Variants in ACTR2 observed in about 807,000 individuals in gnomAD.
ACTR2 encodes actin related protein 2, also known as actin-related protein 2.
Under a neutral mutation model 50.2 loss-of-function variants are expected in ACTR2, and 5 were observed. That is an observed-to-expected ratio of 0.10 (90% confidence interval 0.05 to 0.21). ACTR2 has a LOEUF of 0.21. Among genes scored for constraint, ACTR2 ranks in the 10% least tolerant of loss-of-function variants. ACTR2 has a pLI of 1.00. For synonymous variants in ACTR2, 140 were observed against 162.9 expected (o/e 0.86, Z 1.07); for missense variants, 180 against 480.6 (o/e 0.37, Z 5.85).
At position 65,267,862 on chromosome 2, in the gene ACTR2, C is replaced by CTTTTTTTTTTTTTTTTT. The variant is rs70943640; in HGVS notation, c.1015-690_1015-674dup. ...ACCTTGAAGAAGTCATGCAAGTCCTCTTTTTTTTTTTTTTTTTTTTTTTTT... is the reference window on the plus strand; with the variant it reads ...ACCTTGAAGAAGTCATGCAAGTCCTCTTTTTTTTTTTTTTTTTTTTTTTTTTTTTTTTTTTTTTTTTT... On this transcript the variant is annotated intron_variant, in intron 8 of 8. Transcript: ENST00000260641. Among the ~76,000 whole-genome samples the CTTTTTTTTTTTTTTTTT allele has an allele frequency of 1.5e-3, 70 of 47,412 alleles. 15 individuals are homozygous for CTTTTTTTTTTTTTTTTT. The highest frequency in any genetic ancestry group is 1.9e-3 in the Non-Finnish European group (50 of 26,196). 31.1% of individuals were successfully genotyped at this position (47,412 alleles called of 152,430 possible).
At chr2:65,254,366 A>G (rs1302913232) in intron 5 of ACTR2, among the ~76,000 whole-genome samples, 1 of 152,200 alleles carries the variant, frequency 6.6e-6, no homozygotes, top group African/African-American at 2.4e-5. Context: ...TTTAATATTT[A>G]GTAGTTTTCA....
intron 1 of ACTR2, among the ~76,000 whole-genome samples, chr2:65,235,100 T>C (rs1427044906): frequency 6.6e-6 from 1 of 152,136 alleles, no homozygotes; most frequent in Non-Finnish European, 1.5e-5. Context: ...ATCATTTAAG[T>C]TTGTATCAAG....
At position 65,269,766 on chromosome 2, in the gene ACTR2, G is replaced by C. The variant is rs773520905; in HGVS notation, c.*1032G>C. ...TACTTACAAATAATTACTGGCAGTA[G>C]GTTATAATTGGTGGTTTAAAAATAA... On this transcript the variant is annotated 3_prime_UTR_variant, in exon 9 of 9. Coordinates refer to ENST00000260641, the MANE Select transcript of ACTR2 (RefSeq NM_005722.4). The C allele has an allele frequency of 2.6e-5, 4 of 152,140 alleles. No homozygotes were observed. Among genetic ancestry groups the C allele is most frequent in the African/African-American group, 4.8e-5 (2 of 41,414 alleles). 9.4% of individuals were successfully genotyped at this position (152,140 alleles called of 1,614,324 possible).
chr2:65,264,977 CAG>C, intron 7 of ACTR2, 64 bp from the exon 8 acceptor site: 1 of 1,578,102 alleles, frequency 6.3e-7, no homozygotes, highest in Non-Finnish European at 8.7e-7. Context: ...ACATAAGTAA[CAG>C]TAACCCTGAG....
At chr2:65,261,971 A>C (rs1333762155) in intron 7 of ACTR2, among the ~76,000 whole-genome samples, 2 of 152,048 alleles carry the variant, frequency 1.3e-5, no homozygotes, top group South Asian at 4.1e-4. Context: ...TTTAATTTGC[A>C]TTTATTTCCC....
chr2:65,241,228 A>G (rs546026273), intron 2 of ACTR2, among the ~76,000 whole-genome samples: 124 of 152,316 alleles, frequency 8.1e-4, no homozygotes, highest in African/African-American at 2.8e-3. Context: ...TAAACTGTTT[A>G]ATGAAGTTGA....
intron 1 of ACTR2, 142 bp downstream of exon 1, chr2:65,228,099 G>C (rs1384288479): frequency 3.0e-5 from 21 of 698,798 alleles, no homozygotes; most frequent in Non-Finnish European, 4.4e-5. Flanking sequence ...ACCTCCGCGG[G>C]CGTGGGAGCG....
chr2:65,247,164 C>T (rs1053623828), intron 3 of ACTR2, among the ~76,000 whole-genome samples: 4 of 152,104 alleles, frequency 2.6e-5, no homozygotes, highest in Admixed American at 6.6e-5. Flanking sequence ...TCCCTACTCA[C>T]GTGCAAACTT....
In ACTR2 at chr2:65,229,697, A is replaced by C. The variant is rs1405498185; in HGVS notation, c.48+1740A>C. 2.1e-5 allele frequency among the ~76,000 whole-genome samples: 3 copies of C among 145,586 alleles called. No homozygotes were observed. The East Asian group carries it at 6.2e-4, about 30-fold the overall frequency. On this transcript the variant is annotated intron_variant, in intron 1 of 8. Transcript: ENST00000260641. ...CTTGAACCCGGTAGGCGGAGGTTGC[A>C]GTGAGCCGAGATCGCACCACTCCAG...
chr2:65,252,783 A>G (rs1672078352), intron 4 of ACTR2, among the ~76,000 whole-genome samples: 2 of 152,332 alleles, frequency 1.3e-5, no homozygotes, highest in African/African-American at 2.4e-5. Context: ...AGCCTAGGCA[A>G]CATAGTGAGA....
chr2:65,236,225 G>A (rs1203647013), intron 1 of ACTR2, among the ~76,000 whole-genome samples: 1 of 151,828 alleles, frequency 6.6e-6, no homozygotes, highest in Non-Finnish European at 1.5e-5. Context: ...TGTAGTCCCA[G>A]CTACTTGGGA....
At chr2:65,228,826 C>A (rs1178708877) in intron 1 of ACTR2, among the ~76,000 whole-genome samples, 1 of 152,154 alleles carries the variant, frequency 6.6e-6, no homozygotes, top group Non-Finnish European at 1.5e-5. Flanking sequence ...TTTCTGTAAT[C>A]CCAGCACTTT....
At chr2:65,258,518 A>G (rs1386335863) in intron 6 of ACTR2, among the ~76,000 whole-genome samples, 1 of 151,892 alleles carries the variant, frequency 6.6e-6, no homozygotes, top group Non-Finnish European at 1.5e-5. Flanking sequence ...TTCAAGGCTC[A>G]AGTTTTGAGG....
intron 1 of ACTR2, among the ~76,000 whole-genome samples, chr2:65,237,358 G>A (rs1289888722): frequency 2.6e-5 from 4 of 152,002 alleles, no homozygotes; most frequent in African/African-American, 2.4e-5. Context: ...CTCAGTCTCT[G>A]GAATAGCTGG....
chr2:65,261,981 CT>C (rs1343325355), intron 7 of ACTR2, among the ~76,000 whole-genome samples: 1 of 152,032 alleles, frequency 6.6e-6, no homozygotes, highest in Non-Finnish European at 1.5e-5. Flanking sequence ...ATTTATTTCC[CT>C]GATGATTAGG....
chr2:65,240,654 A>T (rs1671823306), intron 2 of ACTR2, among the ~76,000 whole-genome samples: 1 of 152,228 alleles, frequency 6.6e-6, no homozygotes, highest in African/African-American at 2.4e-5. Context: ...ATATTTGACA[A>T]GAAAGAGAAC....
intron 7 of ACTR2, among the ~76,000 whole-genome samples, chr2:65,263,078 G>C (rs1254216118): frequency 1.3e-5 from 2 of 151,354 alleles, no homozygotes; most frequent in Admixed American, 1.3e-4. Flanking sequence ...GTCTCGCTCT[G>C]TCGCCAGGCT....
intron 3 of ACTR2, among the ~76,000 whole-genome samples, chr2:65,249,438 C>G (rs1672004020): frequency 6.6e-6 from 1 of 152,124 alleles, no homozygotes; most frequent in Non-Finnish European, 1.5e-5. Flanking sequence ...CTACCTTAAT[C>G]TCATTAACAT....
At position 65,239,844 on chromosome 2, in the gene ACTR2, C is replaced by A. The variant is rs1248056428; in HGVS notation, c.49-8C>A. 6.4e-7 allele frequency: 1 copy of A among 1,559,064 alleles called. No individual in the cohort carries two copies. Among genetic ancestry groups the A allele is most frequent in the Non-Finnish European group, 8.8e-7 (1 of 1,131,358 alleles). On this transcript the variant is annotated splice_polypyrimidine_tract_variant and splice_region_variant and intron_variant, in intron 1 of 8. Coordinates refer to ENST00000260641, the MANE Select transcript of ACTR2 (RefSeq NM_005722.4). ...CTAACCCACTTTTATTTTACTGTTT[C>A]ATTCCAGTTTGTGAAGTGTGGATAT...
Sources: gnomAD v4.1 joint callset for allele counts (sites outside exome capture counted in the v4.1 genomes callset) on GRCh38, gnomAD v4.1.1 for gene constraint, MANE v1.5 for transcripts, NCBI Gene and HGNC (gene_info 2026-07-23, HGNC 2026-07-21) for gene names.